CBLB: variants seen among roughly 807,000 people sequenced by gnomAD.
The protein encoded by CBLB is Cbl proto-oncogene B.
Under a neutral mutation model 104.9 loss-of-function variants are expected in CBLB, and 31 were observed. The ratio of observed to expected loss-of-function variants is 0.30; its 90% confidence interval spans 0.22 to 0.40. The LOEUF (loss-of-function observed/expected upper bound fraction) is 0.40, where lower values mean the gene tolerates loss of function less well. Among genes scored for constraint, CBLB ranks in the 10% least tolerant of loss-of-function variants. The pLI is 1.00. For missense variants in CBLB, 1,062 were observed against 1,214.6 expected, an observed-to-expected ratio of 0.87 and a Z score of 1.87; for synonymous variants, 440 against 422.6, an observed-to-expected ratio of 1.04 and a Z score of -0.51.
intron 12 of CBLB, among the ~76,000 whole-genome samples, chr3:105,700,290 C>T (rs1429171071): frequency 6.6e-6 from 1 of 151,896 alleles, no homozygotes; most frequent in Non-Finnish European, 1.5e-5. Flanking sequence ...TCTAAAAGAA[C>T]CCCGAGACAA....
At chr3:105,830,369 T>C (rs566552090) in intron 3 of CBLB, among the ~76,000 whole-genome samples, 2 of 152,212 alleles carry the variant, frequency 1.3e-5, no homozygotes, top group Non-Finnish European at 2.9e-5. Flanking sequence ...TTTTCCTTTG[T>C]TGTATGTAAT....
Position 105,740,627 on chromosome 3 carries a change from T to C in CBLB, c.850A>G (p.Ile284Val), listed in dbSNP as rs1435412433. Residue 284 changes from isoleucine (I) to valine (V), a missense_variant, in exon 7 of 19, where the codon ATT becomes GTT. Physicochemically the swap from Ile to Val is conservative, Grantham distance 29 (BLOSUM62 3). Transcript: ENST00000394030. ...AATCGAGTGCAACTTAACCGGAAAA[T>C]ATAGCTGCAAAACATAAGAAAATTA... ...QKYSTKPGSY[I>V]FRLSCTRLGQ... 6.2e-7 allele frequency: 1 copy of C among 1,613,562 alleles called. No homozygotes were observed.
chr3:105,678,970 C>T (rs1576275503), intron 16 of CBLB, among the ~76,000 whole-genome samples: 1 of 152,220 alleles, frequency 6.6e-6, no homozygotes, highest in East Asian at 1.9e-4. Flanking sequence ...AAAAAGAGTT[C>T]ACAGCCTTTA....
intron 10 of CBLB, among the ~76,000 whole-genome samples, chr3:105,714,819 T>C (rs907944940): frequency 6.6e-6 from 1 of 152,204 alleles, no homozygotes; most frequent in African/African-American, 2.4e-5. Context: ...ACATTTCTAA[T>C]TAGCAAGATG....
chr3:105,867,535 C>T lies in CBLB; in HGVS notation c.43G>A (p.Gly15Arg). ...MNGRNPGGRG[G>R]NPRKGRILGI... ...AAAATTCGACCTTTTCGGGGATTTC[C>T]TCCTCGACCACCAGGGTTTCTGCCA... The change falls in exon 2 of 19, where the codon GGA becomes AGA. Residue 15 changes from glycine (G) to arginine (R), a missense_variant. By Grantham distance (125) the Gly-to-Arg change is moderately radical. This residue lies in a region of CBLB where 457 missense variants were observed against 632.0 expected (regional missense o/e 0.72). Coordinates refer to ENST00000394030, the MANE Select transcript of CBLB (RefSeq NM_170662.5). The T allele has an allele frequency of 6.2e-7, 1 of 1,614,070 alleles. No individual in the cohort carries two copies. Among genetic ancestry groups the T allele is most frequent in the Non-Finnish European group, 8.5e-7 (1 of 1,179,990 alleles).
chr3:105,706,267 A>G (rs1224965016), intron 10 of CBLB, among the ~76,000 whole-genome samples: 1 of 152,232 alleles, frequency 6.6e-6, no homozygotes, highest in Non-Finnish European at 1.5e-5. Context: ...CGAATAACAA[A>G]ATCATTCAAC....
At chr3:105,757,131 C>T (rs1289676071) in intron 4 of CBLB, among the ~76,000 whole-genome samples, 1 of 152,118 alleles carries the variant, frequency 6.6e-6, no homozygotes, top group Non-Finnish European at 1.5e-5. Context: ...TAACCAAGGG[C>T]CCAATAAACC....
chr3:105,676,149 G>A (rs1210847602), intron 17 of CBLB, among the ~76,000 whole-genome samples: 1 of 152,038 alleles, frequency 6.6e-6, no homozygotes, highest in Non-Finnish European at 1.5e-5. Context: ...TTAAGGATAA[G>A]TGTTGTTGAG....
chr3:105,678,159 T>TC (rs2065876126), intron 17 of CBLB, among the ~76,000 whole-genome samples: 2 of 152,330 alleles, frequency 1.3e-5, no homozygotes, highest in East Asian at 3.9e-4. Flanking sequence ...GGGTTGCATT[T>TC]GTAACATAAG....
intron 14 of CBLB, 77 bp from the exon 15 acceptor site, chr3:105,681,895 T>G: frequency 1.2e-5 from 10 of 822,082 alleles, no homozygotes; most frequent in Non-Finnish European, 1.5e-5. Context: ...TAGAGGGAAC[T>G]AGTATTCCTG....
intron 10 of CBLB, among the ~76,000 whole-genome samples, chr3:105,718,212 T>G (rs1347703002): frequency 6.6e-6 from 1 of 152,224 alleles, no homozygotes; most frequent in Non-Finnish European, 1.5e-5. Context: ...TAATTCAAAC[T>G]ATTAATAAAA....
At chr3:105,794,844 C>G (rs1435624240) in intron 3 of CBLB, among the ~76,000 whole-genome samples, 1 of 152,068 alleles carries the variant, frequency 6.6e-6, no homozygotes, top group African/African-American at 2.4e-5. Flanking sequence ...CAATCTTACT[C>G]CACATATCCA....
At position 105,657,133 on chromosome 3, in the gene CBLB, C is replaced by A. The variant is rs911050068; in HGVS notation, c.*1837G>T. On this transcript the variant is annotated 3_prime_UTR_variant, in exon 19 of 19. Transcript: ENST00000394030. ...AGTCCTCATCTCATACCATGAAAGC[C>A]AGACTGTCAAAAAAAGGGCACATGT... is the stretch of plus-strand genomic sequence containing the variant. The A allele has an allele frequency of 4.4e-6, 1 of 224,986 alleles. No individual in the cohort carries two copies. The highest frequency in any genetic ancestry group is 2.2e-5 in the African/African-American group (1 of 44,850). The allele number at this position is 224,986 out of a possible 1,614,324, so 13.9% of individuals were successfully genotyped here.
chr3:105,821,855 CCTTCTCACTT>C (rs2085908554), intron 3 of CBLB, among the ~76,000 whole-genome samples: 1 of 152,116 alleles, frequency 6.6e-6, no homozygotes, highest in African/African-American at 2.4e-5. Context: ...TGATTTCATC[CCTTCTCACTT>C]CTTCTCATAG....
chr3:105,838,934 G>A (rs991889015), intron 3 of CBLB, among the ~76,000 whole-genome samples: 3 of 152,088 alleles, frequency 2.0e-5, no homozygotes. Flanking sequence ...TAAGTGACTC[G>A]AGACTGGAAG....
Position 105,745,948 on chromosome 3 carries a change from G to A in CBLB, c.814C>T (p.Arg272Ter), listed in dbSNP as rs1002577457. ...GGTTTGGTGCTATATTTCTGTAGTC[G>A]TGCTTTAACTTCATCATATGTGAGA... is the stretch of plus-strand genomic sequence containing the variant. ...AFLTYDEVKA[R>*]LQKYSTKPGS... is the part of the protein sequence containing the mutation. Residue 272 changes from arginine to a stop codon, truncating the protein, a stop_gained, in exon 6 of 19, where the codon CGA (arginine) becomes TGA (stop). Coordinates refer to ENST00000394030, the MANE Select transcript of CBLB (RefSeq NM_170662.5). LOFTEE classifies it high-confidence loss of function. 6.2e-7 allele frequency: 1 copy of A among 1,611,908 alleles called. No individual in the cohort carries two copies. The highest frequency in any genetic ancestry group is 8.5e-7 in the Non-Finnish European group (1 of 1,178,164).
chr3:105,770,923 G>C (rs1178264392), intron 4 of CBLB, among the ~76,000 whole-genome samples: 2 of 152,062 alleles, frequency 1.3e-5, no homozygotes, highest in Non-Finnish European at 2.9e-5. Context: ...TGCAAACAGA[G>C]AAAGTCCAGG....
At chr3:105,702,498 A>AAAAAATC in intron 11 of CBLB, 39 bp from the exon 12 acceptor site, 1 of 1,460,090 alleles carries the variant, frequency 6.8e-7, no homozygotes, top group Non-Finnish European at 9.1e-7. Context: ...AAAAAAAAAA[A>AAAAAATC]ACTAAAGGTT....
intron 4 of CBLB, among the ~76,000 whole-genome samples, chr3:105,759,877 C>A (rs1176570504): frequency 1.3e-5 from 2 of 152,182 alleles, no homozygotes; most frequent in Non-Finnish European, 2.9e-5. Context: ...TCCCAGATCC[C>A]ACCTGCTCCA....
Sources: allele counts gnomAD v4.1 joint callset (sites outside exome capture counted in the v4.1 genomes callset), GRCh38; gene constraint gnomAD v4.1.1; regional missense constraint gnomAD v4.1.1; transcripts MANE v1.5; gene names NCBI Gene and HGNC (gene_info 2026-07-23, HGNC 2026-07-21).